The following CSGALNACT1 variants were observed in gnomAD, a reference collection of about 807,000 sequenced individuals.
CSGALNACT1 encodes chondroitin sulfate N-acetylgalactosaminyltransferase 1.
In CSGALNACT1, 52 loss-of-function variants were observed where a neutral mutation model predicts 51.0. That is an observed-to-expected ratio of 1.02 (90% CI 0.82 to 1.29). CSGALNACT1 has a LOEUF of 1.29. Among genes scored for constraint, CSGALNACT1 ranks in the 50% most tolerant of loss-of-function variants. The probability of loss-of-function intolerance (pLI) is 0.00; values close to 1 mark genes in which losing one functional copy is unlikely to be tolerated. For missense variants in CSGALNACT1, 935 were observed against 679.2 expected, an observed-to-expected ratio of 1.38 and a Z score of -4.19; for synonymous variants, 341 against 254.4, an observed-to-expected ratio of 1.34 and a Z score of -3.24.
intron 1 of CSGALNACT1, among the ~76,000 whole-genome samples, chr8:19,635,044 G>A (rs1454712073): frequency 2.0e-5 from 3 of 152,248 alleles, no homozygotes; most frequent in Non-Finnish European, 4.4e-5. Context: ...TACGTTTTAA[G>A]TACAGCAAAT....
intron 8 of CSGALNACT1, among the ~76,000 whole-genome samples, chr8:19,411,776 A>G (rs1046539548): frequency 2.0e-5 from 3 of 152,142 alleles, no homozygotes; most frequent in Non-Finnish European, 4.4e-5. Flanking sequence ...CTTTAAAAGA[A>G]AAACATCTAT....
chr8:19,405,974 C>A (rs200963366), exon 10 of CSGALNACT1: 1 of 1,614,226 alleles, frequency 6.2e-7, no homozygotes, highest in Non-Finnish European at 8.5e-7. Context: ...AGTCCTCGCA[C>A]AGGCGTCCGT....
chr8:19,632,764 T>C (rs559872605), intron 1 of CSGALNACT1, among the ~76,000 whole-genome samples: 16 of 152,176 alleles, frequency 1.1e-4, no homozygotes, highest in Non-Finnish European at 2.1e-4. Context: ...GCTGAGTCTT[T>C]TACTTTTATT....
At chr8:19,625,017 C>T (rs1052787019) in intron 1 of CSGALNACT1, among the ~76,000 whole-genome samples, 2 of 152,182 alleles carry the variant, frequency 1.3e-5, no homozygotes, top group Admixed American at 6.5e-5. Context: ...CCTGCTATCA[C>T]CCAGCTAGTA....
At chr8:19,425,911 T>G (rs964031145) in intron 6 of CSGALNACT1, among the ~76,000 whole-genome samples, 1 of 152,162 alleles carries the variant, frequency 6.6e-6, no homozygotes, top group Non-Finnish European at 1.5e-5. Context: ...GCCCCTCCTG[T>G]GCCTCGCCGC....
intron 4 of CSGALNACT1, among the ~76,000 whole-genome samples, chr8:19,473,792 G>A (rs182764730): frequency 6.6e-6 from 1 of 152,216 alleles, no homozygotes; most frequent in East Asian, 1.9e-4. Context: ...TGGATATTTG[G>A]GGAAAATATA....
chr8:19,727,598 G>C (rs7843107), intron 1 of CSGALNACT1, among the ~76,000 whole-genome samples: 21,671 of 152,148 alleles, frequency 0.14, 1,674 homozygotes, highest in Middle Eastern at 0.17. Context: ...CGATCCAACC[G>C]CCTCAACCTC....
Position 19,673,551 on chromosome 8 carries a change from G to C in CSGALNACT1, c.-544+8922C>G, listed in dbSNP as rs375358417. On this transcript the variant is annotated intron_variant, in intron 1 of 9. Coordinates refer to the CSGALNACT1 transcript ENST00000332246. ...CTTCAAGATGCACCACAGGAGAAAA[G>C]AGTGAAAGCCACGTGTATTTCCATC... 5.9e-5 allele frequency among the ~76,000 whole-genome samples: 9 copies of C among 152,324 alleles called. No homozygotes were observed. The East Asian group carries it at 7.7e-4, about 13-fold the overall frequency.
chr8:19,664,996 G>T (rs1441103917), intron 1 of CSGALNACT1, among the ~76,000 whole-genome samples: 6 of 152,158 alleles, frequency 3.9e-5, no homozygotes, highest in Non-Finnish European at 7.4e-5. Context: ...GTACATTCAT[G>T]TAACAAAAAT....
chr8:19,615,800 G>C (rs1233081766), intron 1 of CSGALNACT1, among the ~76,000 whole-genome samples: 1 of 151,982 alleles, frequency 6.6e-6, no homozygotes, highest in African/African-American at 2.4e-5. Flanking sequence ...AAAGATGAAT[G>C]ACAACATTTA....
chr8:19,567,533 T>G (rs1453157861), intron 3 of CSGALNACT1, among the ~76,000 whole-genome samples: 1 of 152,218 alleles, frequency 6.6e-6, no homozygotes, highest in Non-Finnish European at 1.5e-5. Flanking sequence ...TTACACTTAT[T>G]GGGGAAACGT....
chr8:19,519,315 C>G (rs2080176495), intron 3 of CSGALNACT1, among the ~76,000 whole-genome samples: 1 of 152,158 alleles, frequency 6.6e-6, no homozygotes, highest in Non-Finnish European at 1.5e-5. Flanking sequence ...GATTAGGAAA[C>G]CAGGATTCAG....
intron 3 of CSGALNACT1, among the ~76,000 whole-genome samples, chr8:19,557,296 T>C (rs2039681909): frequency 6.6e-6 from 1 of 152,228 alleles, no homozygotes; most frequent in Non-Finnish European, 1.5e-5. Context: ...AGTTGCCTCC[T>C]CACTACTATT....
chr8:19,442,098 G>C (rs1332616952), intron 5 of CSGALNACT1, among the ~76,000 whole-genome samples: 2 of 152,106 alleles, frequency 1.3e-5, no homozygotes, highest in Non-Finnish European at 2.9e-5. Flanking sequence ...GGAGAAATAG[G>C]AACACTTTTT....
At chr8:19,734,207 T>C (rs934301000) in intron 1 of CSGALNACT1, among the ~76,000 whole-genome samples, 1 of 152,230 alleles carries the variant, frequency 6.6e-6, no homozygotes, top group Non-Finnish European at 1.5e-5. Context: ...ACCTGAAATC[T>C]ACACCTTGTA....
At chr8:19,480,307 C>G (rs1259632989) in intron 4 of CSGALNACT1, among the ~76,000 whole-genome samples, 1 of 152,158 alleles carries the variant, frequency 6.6e-6, no homozygotes, top group Non-Finnish European at 1.5e-5. Flanking sequence ...TTGTTGCCCT[C>G]TATGTGTCCA....
chr8:19,410,346 A>G (rs1298428247), intron 8 of CSGALNACT1, among the ~76,000 whole-genome samples: 1 of 152,206 alleles, frequency 6.6e-6, no homozygotes, highest in Non-Finnish European at 1.5e-5. Context: ...GTCTCCACGG[A>G]GTCATTTTTT....
Position 19,426,112 on chromosome 8 carries a change from G to A in CSGALNACT1, c.954-5594C>T, listed in dbSNP as rs544813757. Among the ~76,000 whole-genome samples the A allele has an allele frequency of 1.3e-4, 20 of 152,294 alleles. No individual in the cohort carries two copies. The South Asian group carries it at 3.9e-3, about 30-fold the overall frequency. Reference sequence around the variant, plus strand: ...TTCAGAGATTATCCAGCACTGTGCAGTAAACGGCACACACGGGGTGACCAA... The same window carrying A: ...TTCAGAGATTATCCAGCACTGTGCAATAAACGGCACACACGGGGTGACCAA... On this transcript the variant is annotated intron_variant, in intron 6 of 9. Coordinates refer to ENST00000454498, the Ensembl canonical transcript of CSGALNACT1.
exon 10 of CSGALNACT1, chr8:19,404,199 C>T (rs373884795): frequency 5.3e-6 from 2 of 376,430 alleles, no homozygotes; most frequent in Non-Finnish European, 5.2e-6. Context: ...TGTGCAATAC[C>T]ACCTTCCATT....
Sources: allele counts gnomAD v4.1 joint callset (sites outside exome capture counted in the v4.1 genomes callset), GRCh38; gene constraint gnomAD v4.1.1; transcripts MANE v1.5; gene names NCBI Gene and HGNC (gene_info 2026-07-23, HGNC 2026-07-21).